CACNA1B: variants seen among roughly 807,000 people sequenced by gnomAD.
The protein encoded by CACNA1B is voltage-dependent N-type calcium channel subunit alpha-1B.
Under a neutral mutation model 247.2 loss-of-function variants are expected in CACNA1B, and 70 were observed. That is an observed-to-expected ratio of 0.28 (90% confidence interval 0.23 to 0.35). The LOEUF (loss-of-function observed/expected upper bound fraction) is 0.35. Among genes scored for constraint, CACNA1B ranks in the 10% least tolerant of loss-of-function variants. The probability of loss-of-function intolerance (pLI) is 1.00; values close to 1 mark genes in which losing one functional copy is unlikely to be tolerated. For synonymous variants in CACNA1B, 1,231 were observed against 1,294.4 expected (o/e 0.95, Z 1.05); for missense variants, 2,367 against 3,197.4 (o/e 0.74, Z 6.26).
chr9:138,078,186 C>T lies in CACNA1B; in HGVS notation c.5022C>T (p.Ala1674=), dbSNP rs750209095. 3.7e-6 allele frequency: 6 copies of T among 1,613,774 alleles called. No individual in the cohort carries two copies. In the East Asian group the frequency reaches 1.3e-4, roughly 36 times the overall value. ...CLSNQACDEQ[A]NATECGSDFA... Reference sequence around the variant, plus strand: ...GCAACCAGGCCTGTGATGAGCAGGCCAATGCCACCGAGTGTGGAAGTGACT... The same window carrying T: ...GCAACCAGGCCTGTGATGAGCAGGCTAATGCCACCGAGTGTGGAAGTGACT... Residue 1674 remains alanine (A), a synonymous_variant, in exon 36 of 47, where the codon GCC becomes GCT. Coordinates refer to ENST00000371372, the MANE Select transcript of CACNA1B (RefSeq NM_000718.4).
At position 137,957,690 on chromosome 9, in the gene CACNA1B, G is replaced by A; in HGVS notation, c.1333+3G>A. 1 of 1,576,344 alleles carries A rather than the reference G, an allele frequency of 6.3e-7. No individual in the cohort carries two copies. Among genetic ancestry groups the A allele is most frequent in the East Asian group, 2.3e-5 (1 of 43,240 alleles). On this transcript the variant is annotated splice_donor_region_variant and intron_variant, in intron 10 of 46. Coordinates refer to ENST00000371372, the MANE Select transcript of CACNA1B (RefSeq NM_000718.4). The surrounding 1 kb of genome is among the most constrained non-coding windows in gnomAD (Gnocchi z 4.7). ...GTTTGCAGATCTCTGTGCTGTTGGT[G>A]AGTCTCAGGGTGTCCCTCCAGCTCT...
intron 20 of CACNA1B, among the ~76,000 whole-genome samples, chr9:138,038,336 G>T (rs1324496326): frequency 1.3e-5 from 2 of 152,172 alleles, no homozygotes; most frequent in Non-Finnish European, 2.9e-5. Context: ...CAGGATCGTT[G>T]TGCACACTTC....
rs1166323788 is a variant in CACNA1B, at chr9:138,020,012, G to T, written c.2268-2999G>T. Among the ~76,000 whole-genome samples, 16 of 149,646 alleles carry T rather than the reference G, an allele frequency of 1.1e-4. No homozygotes were observed. Among genetic ancestry groups the T allele is most frequent in the Admixed American group, 2.7e-4 (4 of 14,864 alleles). On this transcript the variant is annotated intron_variant, in intron 18 of 46. Transcript: ENST00000371372. This position sits in a 1 kb window ranked among gnomAD's most constrained non-coding sequence, Gnocchi z 4.1. ...CTCGGTAGGCTGAGGCAGGAGAATT[G>T]CTTGAACCCGGGAGGCAGAGGTTGC... is the stretch of plus-strand genomic sequence containing the variant.
chr9:138,114,109 G>A (rs977796107), intron 40 of CACNA1B, among the ~76,000 whole-genome samples: 7 of 152,214 alleles, frequency 4.6e-5, no homozygotes, highest in Non-Finnish European at 1.0e-4. Context: ...TAAGCAGGTG[G>A]GGATGGCCTC....
chr9:137,896,786 T>G (rs1202838641), intron 3 of CACNA1B, among the ~76,000 whole-genome samples: 1 of 149,994 alleles, frequency 6.7e-6, no homozygotes, highest in African/African-American at 2.5e-5. Context: ...AAGTTACGCA[T>G]TCACTTTCCT....
intron 23 of CACNA1B, among the ~76,000 whole-genome samples, chr9:138,048,326 G>T (rs1221080553): frequency 6.6e-6 from 1 of 152,216 alleles, no homozygotes; most frequent in African/African-American, 2.4e-5. Flanking sequence ...GCCTGCAGGG[G>T]ATCTGGGCGA....
At position 138,120,247 on chromosome 9, in the gene CACNA1B, C is replaced by G; in HGVS notation, c.6113C>G (p.Thr2038Ser). 12 of 1,603,886 alleles carry G rather than the reference C, an allele frequency of 7.5e-6. No homozygotes were observed. The highest frequency in any genetic ancestry group is 1.0e-5 in the Non-Finnish European group (12 of 1,176,414). The change falls in exon 45 of 47, where the codon ACC becomes AGC. Residue 2038 changes from threonine to serine, a missense_variant. Physicochemically the swap from Thr to Ser is moderately conservative, Grantham distance 58 (BLOSUM62 1). Transcript: ENST00000371372. Reference sequence around the variant, plus strand: ...CGTGGGACTCATCTTTGCAGCACCACCCCGGACCGCCCACCCCCTAGCCAG... The same window carrying G: ...CGTGGGACTCATCTTTGCAGCACCAGCCCGGACCGCCCACCCCCTAGCCAG... ...RPRGTHLCST[T>S]PDRPPPSQAS...
rs35987844 is a variant in CACNA1B, at chr9:138,121,417, C to CTT, written c.6490-35_6490-34dup. 7.8e-3 allele frequency: 6,762 copies of CTT among 864,366 alleles called. 13 individuals carry two copies. The highest frequency in any genetic ancestry group is 0.012 in the African/African-American group (640 of 53,944). The allele number at this position is 864,366 out of a possible 1,614,324, so 53.5% of individuals were successfully genotyped here. ...TGATGTGCTCTGTCTGTTGGTTCGG[C>CTT]TTTTTTTTTTTTTTTTTTACCTCTG... On this transcript the variant is annotated intron_variant, in intron 46 of 46. Transcript: ENST00000371372. This position sits in a 1 kb window ranked among gnomAD's most constrained non-coding sequence, Gnocchi z 6.8.
At chr9:137,967,878 C>T (rs1344994427) in intron 10 of CACNA1B, among the ~76,000 whole-genome samples, 1 of 152,220 alleles carries the variant, frequency 6.6e-6, no homozygotes, top group Non-Finnish European at 1.5e-5. Context: ...TCTGGAGCCC[C>T]TCCTGTTTCA....
At chr9:138,021,188 T>C (rs1452707807) in intron 18 of CACNA1B, among the ~76,000 whole-genome samples, 2 of 152,140 alleles carry the variant, frequency 1.3e-5, no homozygotes, top group African/African-American at 4.8e-5. Flanking sequence ...CTTCTGTGGG[T>C]CAGTTGTAGG....
At chr9:137,900,064 A>G (rs922042865) in intron 3 of CACNA1B, among the ~76,000 whole-genome samples, 1 of 152,120 alleles carries the variant, frequency 6.6e-6, no homozygotes, top group Non-Finnish European at 1.5e-5. Flanking sequence ...TGGCATTTTC[A>G]GAACTGGGGG....
At chr9:137,984,025 A>G (rs570263335) in intron 12 of CACNA1B, 113 bp from the exon 13 acceptor site, 50 of 741,728 alleles carry the variant, frequency 6.7e-5, no homozygotes, top group African/African-American at 6.7e-4. Flanking sequence ...TCAGACAAGG[A>G]AGCAGGATGG....
At position 137,921,488 on chromosome 9, in the gene CACNA1B, G is replaced by A. The variant is rs147534496; in HGVS notation, c.966+4057G>A. Reference sequence around the variant, plus strand: ...AGAACATGATCAGCACTGCAGCCGCGCAGCATCCTGGGAGCAGAGTAAAGC... The same window carrying A: ...AGAACATGATCAGCACTGCAGCCGCACAGCATCCTGGGAGCAGAGTAAAGC... On this transcript the variant is annotated intron_variant, in intron 6 of 46. Transcript: ENST00000371372. 6.9e-3 allele frequency among the ~76,000 whole-genome samples: 879 copies of A among 127,206 alleles called. 4 individuals carry two copies. The highest frequency in any genetic ancestry group is 0.011 in the South Asian group (42 of 3,764). The allele number at this position is 127,206 out of a possible 152,430, so 83.5% of individuals were successfully genotyped here. A position where few individuals can be genotyped will look rare whatever the true frequency, so the allele number is the denominator to read the frequency against.
At chr9:137,945,086 G>A (rs1434936524) in intron 6 of CACNA1B, among the ~76,000 whole-genome samples, 1 of 152,200 alleles carries the variant, frequency 6.6e-6, no homozygotes, top group Non-Finnish European at 1.5e-5. Context: ...TGCAAAACAG[G>A]TCTAATTGCA....
chr9:138,057,865 C>A lies in CACNA1B; in HGVS notation c.4102C>A (p.Pro1368Thr). The change falls in exon 27 of 47, where the codon CCC (proline) becomes ACC (threonine). Residue 1368 changes from proline (P) to threonine (T), a missense_variant. Physicochemically the swap from Pro to Thr is conservative, Grantham distance 38. Coordinates refer to ENST00000371372, the MANE Select transcript of CACNA1B (RefSeq NM_000718.4). This position sits in a 1 kb window ranked among gnomAD's most constrained non-coding sequence, Gnocchi z 4.0. ...LFTVSTGEGW[P>T]MVLKHSVDAT... ...CACAGTGTCCACGGGAGAAGGCTGG[C>A]CCATGTGAGTGCTCATCCTGCTCTC... is the stretch of plus-strand genomic sequence containing the variant. 1 of 1,601,644 alleles carries A rather than the reference C, an allele frequency of 6.2e-7. No individual in the cohort carries two copies. Among genetic ancestry groups the A allele is most frequent in the Non-Finnish European group, 8.5e-7 (1 of 1,170,122 alleles).
chr9:138,052,376 T>G lies in CACNA1B; in HGVS notation c.3807+188T>G, dbSNP rs951471358. Among the ~76,000 whole-genome samples the G allele has an allele frequency of 6.6e-6, 1 of 152,092 alleles. No individual in the cohort carries two copies. On this transcript the variant is annotated intron_variant, in intron 25 of 46. Transcript: ENST00000371372. This position sits in a 1 kb window ranked among gnomAD's most constrained non-coding sequence, Gnocchi z 5.1. The stretch of plus-strand genomic sequence containing the variant: ...CAAGTAGACCTTGTTCCCAGCAGCC[T>G]CCTGTGAGAATCCTCCTCCTTAGCC...
At chr9:138,112,537 C>G (rs750578151) in intron 40 of CACNA1B, 32 bp downstream of exon 40, 55 of 1,381,752 alleles carry the variant, frequency 4.0e-5, no homozygotes, top group Non-Finnish European at 5.6e-5. Context: ...GCCCCCAGCC[C>G]CCACCTTTAC....
At chr9:138,077,707 G>C (rs1960375414) in intron 35 of CACNA1B, among the ~76,000 whole-genome samples, 1 of 152,136 alleles carries the variant, frequency 6.6e-6, no homozygotes, top group African/African-American at 2.4e-5. Context: ...CTGATGAACA[G>C]GATATGGAGA....
At chr9:137,922,814 C>G (rs1957502596) in intron 6 of CACNA1B, among the ~76,000 whole-genome samples, 1 of 152,138 alleles carries the variant, frequency 6.6e-6, no homozygotes, top group Non-Finnish European at 1.5e-5. Flanking sequence ...GTCAGGGTCA[C>G]AGTTAGGATA....
Sources: allele counts gnomAD v4.1 joint callset (sites outside exome capture counted in the v4.1 genomes callset), GRCh38; gene constraint gnomAD v4.1.1; non-coding constraint Gnocchi (gnomAD v3.1); transcripts MANE v1.5; gene names NCBI Gene and HGNC (gene_info 2026-07-23, HGNC 2026-07-21).